The following EYS variants were observed in gnomAD, a reference collection of about 807,000 sequenced individuals.
EYS encodes protein eyes shut homolog.
Under a neutral mutation model 282.1 loss-of-function variants are expected in EYS, and 250 were observed. The ratio of observed to expected loss-of-function variants is 0.89; its 90% CI spans 0.80 to 0.98. The LOEUF (loss-of-function observed/expected upper bound fraction) is 0.98. Ranked by LOEUF, EYS falls within the 50% of genes least tolerant of loss-of-function variation. The pLI is 0.00. For synonymous variants in EYS, 1,355 were observed against 1,282.9 expected (o/e 1.06, Z -1.20); for missense variants, 4,016 against 3,709.0 (o/e 1.08, Z -2.15).
chr6:65,436,750 G>C (rs1258869248), intron 5 of EYS, among the ~76,000 whole-genome samples: 1 of 151,980 alleles, frequency 6.6e-6, no homozygotes, highest in Non-Finnish European at 1.5e-5. Context: ...AATTAGAAAA[G>C]ATGTTCAAGA....
At chr6:64,824,706 G>GCAT (rs1489406502) in intron 19 of EYS, among the ~76,000 whole-genome samples, 4 of 151,860 alleles carry the variant, frequency 2.6e-5, no homozygotes, top group Admixed American at 1.3e-4. Flanking sequence ...GGGACAGGAT[G>GCAT]CATCCAGCAA....
At chr6:63,947,644 T>C (rs1176924487) in intron 35 of EYS, among the ~76,000 whole-genome samples, 1 of 152,190 alleles carries the variant, frequency 6.6e-6, no homozygotes, top group Non-Finnish European at 1.5e-5. Flanking sequence ...CTTTTCTCAT[T>C]ATTATAATCA....
At chr6:65,416,223 G>T (rs915125661) in intron 5 of EYS, among the ~76,000 whole-genome samples, 1 of 151,866 alleles carries the variant, frequency 6.6e-6, no homozygotes, top group African/African-American at 2.4e-5. Context: ...GGAGTAGAAT[G>T]CTTAAAAGTT....
intron 12 of EYS, among the ~76,000 whole-genome samples, chr6:65,276,091 C>A (rs945804548): frequency 1.3e-5 from 2 of 152,036 alleles, no homozygotes; most frequent in African/African-American, 4.8e-5. Flanking sequence ...ACCATGTTTC[C>A]CACTATTCTG....
chr6:64,288,003 A>G (rs1033323864), intron 30 of EYS, among the ~76,000 whole-genome samples: 1 of 152,146 alleles, frequency 6.6e-6, no homozygotes, highest in Non-Finnish European at 1.5e-5. Flanking sequence ...CTACAAGTAA[A>G]TGAAACCCCT....
intron 1 of EYS, among the ~76,000 whole-genome samples, chr6:65,697,926 TACCACA>T (rs1769514151): frequency 5.9e-5 from 9 of 152,298 alleles, no homozygotes; most frequent in African/African-American, 2.2e-4. Context: ...ACTGCTGTAC[TACCACA>T]ATTAGTGGAA....
intron 22 of EYS, among the ~76,000 whole-genome samples, chr6:64,698,400 A>G (rs1014729465): frequency 6.6e-6 from 1 of 152,102 alleles, no homozygotes; most frequent in Non-Finnish European, 1.5e-5. Context: ...GTTGTTAAAA[A>G]TAAACAAAAT....
chr6:64,570,061 A>G lies in EYS; in HGVS notation c.5644+20162T>C, dbSNP rs145510843. On this transcript the variant is annotated intron_variant, in intron 26 of 42. Transcript: ENST00000503581. ...CCAGAGAGAAAGGTTGGGTTACCCC[A>G]TAAGGGAAGCCCATCAGACTAACAA... Among the ~76,000 whole-genome samples, 644 of 152,334 alleles carry G rather than the reference A, an allele frequency of 4.2e-3. 10 individuals are homozygous for G. The highest frequency in any genetic ancestry group is 1.7e-3 in the Non-Finnish European group (114 of 68,014).
chr6:64,572,531 G>A (rs182147366), intron 26 of EYS, among the ~76,000 whole-genome samples: 9 of 152,260 alleles, frequency 5.9e-5, no homozygotes, highest in Non-Finnish European at 1.2e-4. Context: ...AAACCCCATT[G>A]TCTCAGCCCA....
chr6:64,392,625 G>A (rs1773196394), intron 28 of EYS, among the ~76,000 whole-genome samples: 1 of 151,278 alleles, frequency 6.6e-6, no homozygotes, highest in South Asian at 2.1e-4. Flanking sequence ...CGCATTCAAA[G>A]CAGTGTGTAG....
intron 28 of EYS, among the ~76,000 whole-genome samples, chr6:64,431,176 A>G (rs563574387): frequency 6.6e-6 from 1 of 152,156 alleles, no homozygotes; most frequent in African/African-American, 2.4e-5. Context: ...TATTTTTTTG[A>G]TATGAAGAAA....
intron 2 of EYS, among the ~76,000 whole-genome samples, chr6:65,608,931 T>G (rs554271923): frequency 6.6e-6 from 1 of 152,042 alleles, no homozygotes; most frequent in South Asian, 2.1e-4. Context: ...TTATCTCCTA[T>G]GATAATAATG....
chr6:65,088,398 C>T (rs35773917), intron 12 of EYS, among the ~76,000 whole-genome samples: 29,162 of 152,070 alleles, frequency 0.19, 3,397 homozygotes, highest in South Asian at 0.27. Context: ...CAAGTTCATC[C>T]GTAAGTGGTC....
chr6:65,526,246 T>C (rs1273335655), intron 2 of EYS, among the ~76,000 whole-genome samples: 1 of 152,180 alleles, frequency 6.6e-6, no homozygotes, highest in Non-Finnish European at 1.5e-5. Context: ...CATTGACATA[T>C]GATTTGGGGA....
intron 28 of EYS, among the ~76,000 whole-genome samples, chr6:64,422,153 TAGATAGAC>T (rs1335781413): frequency 6.6e-6 from 1 of 151,292 alleles, no homozygotes; most frequent in African/African-American, 2.5e-5. Context: ...AGACAGATGA[TAGATAGAC>T]AGATAGATGA....
At chr6:65,131,849 G>C (rs540194444) in intron 12 of EYS, among the ~76,000 whole-genome samples, 1 of 151,746 alleles carries the variant, frequency 6.6e-6, no homozygotes, top group South Asian at 2.1e-4. Context: ...GAAAAGAGAA[G>C]GTCCAAATAA....
intron 5 of EYS, among the ~76,000 whole-genome samples, chr6:65,470,912 G>A (rs1765185784): frequency 6.6e-6 from 1 of 152,078 alleles, no homozygotes; most frequent in Non-Finnish European, 1.5e-5. Flanking sequence ...GCTGAGGAGG[G>A]CAGATCATGA....
At position 65,293,425 on chromosome 6, in the gene EYS, A is replaced by C. The variant is rs545018822; in HGVS notation, c.2023+2438T>G. Among the ~76,000 whole-genome samples the C allele has an allele frequency of 2.0e-5, 3 of 151,986 alleles. No homozygotes were observed. The South Asian group carries it at 6.2e-4, about 31-fold the overall frequency. On this transcript the variant is annotated intron_variant, in intron 12 of 42. Coordinates refer to ENST00000503581, the MANE Select transcript of EYS (RefSeq NM_001142800.2). ...AGAAAATTGATTGGAATCAGTTTTA[A>C]ATCCTGTAGGATTCACTCAAGCATA...
chr6:64,262,915 A>G (rs2207431), intron 30 of EYS, among the ~76,000 whole-genome samples: 101,816 of 151,764 alleles, frequency 0.67, 34,206 homozygotes, highest in South Asian at 0.71. Flanking sequence ...TAATGTCTTT[A>G]TTCTTCAGGA....
Sources: allele counts gnomAD v4.1 joint callset (sites outside exome capture counted in the v4.1 genomes callset), GRCh38; gene constraint gnomAD v4.1.1; transcripts MANE v1.5; gene names NCBI Gene and HGNC (gene_info 2026-07-23, HGNC 2026-07-21).